The following HS6ST3 variants were observed in gnomAD, a reference collection of about 807,000 sequenced individuals.
HS6ST3 encodes heparan sulfate 6-O-sulfotransferase 3.
In HS6ST3, 12 loss-of-function variants were observed where a neutral mutation model predicts 36.7. The ratio of observed to expected loss-of-function variants is 0.33; its 90% CI spans 0.21 to 0.53. HS6ST3 has a LOEUF of 0.53. Among genes scored for constraint, HS6ST3 ranks in the 20% least tolerant of loss-of-function variants. HS6ST3 has a pLI of 0.95. For synonymous variants in HS6ST3, 240 were observed against 257.5 expected, an observed-to-expected ratio of 0.93 and a Z score of 0.65; for missense variants, 584 against 640.9, an observed-to-expected ratio of 0.91 and a Z score of 0.96.
intron 1 of HS6ST3, among the ~76,000 whole-genome samples, chr13:96,148,209 G>C (rs1195207863): frequency 6.6e-6 from 1 of 152,202 alleles, no homozygotes; most frequent in Non-Finnish European, 1.5e-5. Context: ...ATAATAACTA[G>C]TCTATGGTAA....
chr13:96,530,951 A>T (rs1040245607), intron 1 of HS6ST3, among the ~76,000 whole-genome samples: 1 of 152,222 alleles, frequency 6.6e-6, no homozygotes, highest in African/African-American at 2.4e-5. Flanking sequence ...CAAGTTTCAC[A>T]TGAGTACTGT....
intron 1 of HS6ST3, among the ~76,000 whole-genome samples, chr13:96,269,729 C>T (rs1013816841): frequency 1.3e-5 from 2 of 152,010 alleles, no homozygotes; most frequent in Non-Finnish European, 2.9e-5. Context: ...ATGTGAAGCA[C>T]ACCTCCACCC....
At chr13:96,174,112 T>C (rs1326649784) in intron 1 of HS6ST3, among the ~76,000 whole-genome samples, 2 of 152,314 alleles carry the variant, frequency 1.3e-5, no homozygotes, top group African/African-American at 4.8e-5. Context: ...TAGCTAATCA[T>C]CATTTTATTC....
chr13:96,231,370 A>G (rs562587303), intron 1 of HS6ST3, among the ~76,000 whole-genome samples: 1 of 152,156 alleles, frequency 6.6e-6, no homozygotes, highest in Non-Finnish European at 1.5e-5. Flanking sequence ...AGAATAGGCA[A>G]TTTATAAAGA....
At chr13:96,575,963 C>A (rs1321385897) in intron 1 of HS6ST3, among the ~76,000 whole-genome samples, 1 of 152,166 alleles carries the variant, frequency 6.6e-6, no homozygotes, top group African/African-American at 2.4e-5. Flanking sequence ...GGGTGCCACG[C>A]CAGTGAACAC....
At chr13:96,226,113 C>T (rs2054478933) in intron 1 of HS6ST3, among the ~76,000 whole-genome samples, 1 of 152,030 alleles carries the variant, frequency 6.6e-6, no homozygotes, top group Non-Finnish European at 1.5e-5. Context: ...GGTCTGCCCT[C>T]TCAAAAACAT....
At chr13:96,564,284 A>T (rs2056273075) in intron 1 of HS6ST3, among the ~76,000 whole-genome samples, 1 of 152,176 alleles carries the variant, frequency 6.6e-6, no homozygotes, top group Non-Finnish European at 1.5e-5. Context: ...TTTTATGTGG[A>T]GATAGCACAT....
chr13:96,742,289 CAATAA>C (rs1449491825), intron 1 of HS6ST3, among the ~76,000 whole-genome samples: 1 of 151,844 alleles, frequency 6.6e-6, no homozygotes, highest in Non-Finnish European at 1.5e-5. Flanking sequence ...AAAATAGGAA[CAATAA>C]AATAAGATGA....
intron 1 of HS6ST3, among the ~76,000 whole-genome samples, chr13:96,188,713 T>C (rs777848944): frequency 1.3e-5 from 2 of 152,234 alleles, no homozygotes; most frequent in African/African-American, 2.4e-5. Flanking sequence ...TAACCCATTT[T>C]CTTTGAATTT....
chr13:96,477,083 C>CA (rs1198608768), intron 1 of HS6ST3, among the ~76,000 whole-genome samples: 1 of 152,174 alleles, frequency 6.6e-6, no homozygotes, highest in Non-Finnish European at 1.5e-5. Context: ...GCATTTTCCT[C>CA]ATGAGGACCC....
intron 1 of HS6ST3, among the ~76,000 whole-genome samples, chr13:96,145,116 G>A (rs201273327): frequency 0.48 from 45,196 of 94,630 alleles, 9,677 homozygotes; most frequent in East Asian, 0.54. Context: ...ATACGTGTGC[G>A]TGTGCATGTG....
chr13:96,529,558 C>T (rs2056127636), intron 1 of HS6ST3, among the ~76,000 whole-genome samples: 2 of 152,072 alleles, frequency 1.3e-5, no homozygotes, highest in Non-Finnish European at 2.9e-5. Context: ...CCATAGTTAT[C>T]TTACATTTTA....
chr13:96,113,115 G>T (rs1258766184), intron 1 of HS6ST3, among the ~76,000 whole-genome samples: 1 of 152,144 alleles, frequency 6.6e-6, no homozygotes, highest in Non-Finnish European at 1.5e-5. Context: ...GGTGGTGCTA[G>T]ACCTCAAGCC....
At chr13:96,755,224 T>G (rs1876796787) in intron 1 of HS6ST3, among the ~76,000 whole-genome samples, 1 of 152,214 alleles carries the variant, frequency 6.6e-6, no homozygotes, top group Non-Finnish European at 1.5e-5. Context: ...GTTTTATCTA[T>G]TCATGAATAT....
intron 1 of HS6ST3, among the ~76,000 whole-genome samples, chr13:96,442,244 G>C (rs141968753): frequency 1.3e-5 from 2 of 152,108 alleles, no homozygotes; most frequent in Non-Finnish European, 2.9e-5. Flanking sequence ...GAACTCCTGA[G>C]CTCAGGTAAT....
At chr13:96,599,990 A>G (rs1323943854) in intron 1 of HS6ST3, among the ~76,000 whole-genome samples, 1 of 152,044 alleles carries the variant, frequency 6.6e-6, no homozygotes. Flanking sequence ...GTGTTGTCTG[A>G]GAAGATACTT....
intron 1 of HS6ST3, among the ~76,000 whole-genome samples, chr13:96,811,583 A>T (rs1166040870): frequency 6.6e-6 from 1 of 151,956 alleles, no homozygotes; most frequent in Non-Finnish European, 1.5e-5. Flanking sequence ...TAGAGCATCC[A>T]GTGGCTGCAA....
At chr13:96,134,497 TTTTTC>T (rs2053991691) in intron 1 of HS6ST3, among the ~76,000 whole-genome samples, 1 of 152,118 alleles carries the variant, frequency 6.6e-6, no homozygotes, top group South Asian at 2.1e-4. Flanking sequence ...GTGTCATAAT[TTTTTC>T]TTTTTATTTC....
intron 1 of HS6ST3, among the ~76,000 whole-genome samples, chr13:96,524,703 C>T (rs1305817374): frequency 6.6e-6 from 1 of 152,218 alleles, no homozygotes; most frequent in Non-Finnish European, 1.5e-5. Flanking sequence ...GTTGCAAAGA[C>T]TGTGGGGAAA....
Sources: gnomAD v4.1 joint callset for allele counts (sites outside exome capture counted in the v4.1 genomes callset) on GRCh38, gnomAD v4.1.1 for gene constraint, MANE v1.5 for transcripts, NCBI Gene and HGNC (gene_info 2026-07-23, HGNC 2026-07-21) for gene names.